Variants in TBC1D8 observed in about 807,000 individuals in gnomAD.
The protein encoded by TBC1D8 is TBC1 domain family member 8.
Under a neutral mutation model 118.8 loss-of-function variants are expected in TBC1D8, and 65 were observed. That is an observed-to-expected ratio of 0.55 (90% CI 0.45 to 0.67). TBC1D8 has a LOEUF of 0.67. Among genes scored for constraint, TBC1D8 ranks in the 30% least tolerant of loss-of-function variants. The probability of loss-of-function intolerance (pLI) is 0.00; values close to 1 mark genes in which losing one functional copy is unlikely to be tolerated. For missense variants in TBC1D8, 1,376 were observed against 1,471.2 expected (o/e 0.94, Z 1.06); for synonymous variants, 566 against 595.8 (o/e 0.95, Z 0.73).
intron 2 of TBC1D8, among the ~76,000 whole-genome samples, chr2:101,075,238 A>G (rs1472277916): frequency 1.3e-5 from 2 of 152,080 alleles, no homozygotes; most frequent in African/African-American, 4.8e-5. Context: ...CTCTACTAAA[A>G]ATACAAAAAA....
At position 101,018,951 on chromosome 2, in the gene TBC1D8, G is replaced by T. The variant is rs780931922; in HGVS notation, c.2827+2730C>A. The stretch of plus-strand genomic sequence containing the variant: ...ATCTTCTGGAATGCTCTTCGTCTGT[G>T]TGTTACCTGACATGGTACCAAATCA... On this transcript the variant is annotated intron_variant, in intron 17 of 19. Transcript: ENST00000409318. The T allele has an allele frequency of 1.1e-5, 17 of 1,601,072 alleles. No individual in the cohort carries two copies. The Admixed American group carries it at 2.6e-4, about 24-fold the overall frequency.
chr2:101,135,208 C>T lies in TBC1D8; in HGVS notation c.127+15919G>A, dbSNP rs145434667. On this transcript the variant is annotated intron_variant, in intron 1 of 19. Coordinates refer to ENST00000409318, the MANE Select transcript of TBC1D8 (RefSeq NM_001330348.2). ...AAAGAAACAAGAAAAAAGAAAAAGC[C>T]GTTTTTACAGTGAGATACACGTCTT... Among the ~76,000 whole-genome samples, 990 of 152,248 alleles carry T rather than the reference C, an allele frequency of 6.5e-3. 9 individuals carry two copies. Among genetic ancestry groups the T allele is most frequent in the South Asian group, 0.02 (97 of 4,824 alleles).
At chr2:101,040,834 A>G (rs758662445) in intron 5 of TBC1D8, among the ~76,000 whole-genome samples, 2 of 152,258 alleles carry the variant, frequency 1.3e-5, no homozygotes, top group Admixed American at 1.3e-4. Context: ...GGCACCATGC[A>G]TGTCCTGTGC....
chr2:101,047,303 T>TAAGTCCTGCTGGAGTGGCCAC (rs1445681938), intron 5 of TBC1D8, among the ~76,000 whole-genome samples: 2 of 152,212 alleles, frequency 1.3e-5, no homozygotes, highest in Non-Finnish European at 2.9e-5. Flanking sequence ...ACTGTGGCCA[T>TAAGTCCTGCTGGAGTGGCCAC]AAGTCCTGCT....
intron 12 of TBC1D8, among the ~76,000 whole-genome samples, chr2:101,028,839 T>C (rs564932965): frequency 6.6e-6 from 1 of 152,330 alleles, no homozygotes; most frequent in African/African-American, 2.4e-5. Flanking sequence ...AGAAAATGTC[T>C]GCAACCTCTA....
At chr2:101,073,452 G>A (rs1354678904) in intron 2 of TBC1D8, among the ~76,000 whole-genome samples, 1 of 151,746 alleles carries the variant, frequency 6.6e-6, no homozygotes, top group Non-Finnish European at 1.5e-5. Flanking sequence ...CCGCCACCAC[G>A]CCCAGCTACT....
At chr2:101,134,193 TCTCTCACACACACACA>T (rs779401372) in intron 1 of TBC1D8, among the ~76,000 whole-genome samples, 1,659 of 122,316 alleles carry the variant, frequency 0.014, 31 homozygotes, top group African/African-American at 0.058. Flanking sequence ...TCTCTCTCTC[TCTCTCACACACACACA>T]CACACACACA....
At chr2:101,111,916 T>TAA (rs11296257) in intron 1 of TBC1D8, among the ~76,000 whole-genome samples, 1 of 146,552 alleles carries the variant, frequency 6.8e-6, no homozygotes. Context: ...ACCATAGTTT[T>TAA]AAAAAAAAAA....
chr2:101,048,501 T>C (rs1681850238), intron 5 of TBC1D8, among the ~76,000 whole-genome samples: 1 of 152,106 alleles, frequency 6.6e-6, no homozygotes, highest in African/African-American at 2.4e-5. Context: ...CCATGTGAAA[T>C]TCCTTGGAAT....
At chr2:101,129,560 T>C (rs543177650) in intron 1 of TBC1D8, among the ~76,000 whole-genome samples, 129 of 152,292 alleles carry the variant, frequency 8.5e-4, no homozygotes, top group Non-Finnish European at 2.5e-4. Context: ...CAAGGTGGGC[T>C]GGAAGAAGGC....
intron 2 of TBC1D8, among the ~76,000 whole-genome samples, chr2:101,079,646 A>T (rs1675117648): frequency 6.7e-6 from 1 of 148,660 alleles, no homozygotes. Context: ...AAAGTGCTGG[A>T]ATTAAAGGCG....
At chr2:101,035,268 A>T (rs1680936431) in intron 9 of TBC1D8, among the ~76,000 whole-genome samples, 1 of 152,126 alleles carries the variant, frequency 6.6e-6, no homozygotes, top group African/African-American at 2.4e-5. Flanking sequence ...GGCACACTCC[A>T]ATGGCAGGGC....
At chr2:101,017,089 AAGAC>A (rs1427477451) in intron 17 of TBC1D8, among the ~76,000 whole-genome samples, 3 of 98,068 alleles carry the variant, frequency 3.1e-5, no homozygotes, top group Non-Finnish European at 7.7e-5. Context: ...AAAAAAAAAA[AAGAC>A]AAACACGCAC....
At chr2:101,017,620 C>G (rs770258278) in intron 17 of TBC1D8, among the ~76,000 whole-genome samples, 14 of 152,126 alleles carry the variant, frequency 9.2e-5, no homozygotes, top group Non-Finnish European at 1.8e-4. Flanking sequence ...CTGCAGATAC[C>G]CTTGGCAAAG....
At chr2:101,072,920 T>C (rs1674546740) in intron 2 of TBC1D8, among the ~76,000 whole-genome samples, 1 of 151,922 alleles carries the variant, frequency 6.6e-6, no homozygotes, top group African/African-American at 2.4e-5. Flanking sequence ...ACGTTGGAGG[T>C]CACATTTCAA....
intron 2 of TBC1D8, among the ~76,000 whole-genome samples, chr2:101,086,665 G>C (rs546486757): frequency 1.3e-5 from 2 of 152,138 alleles, no homozygotes; most frequent in African/African-American, 4.8e-5. Context: ...TCTAGACAAG[G>C]ATGTCCAATC....
At chr2:101,085,894 C>T (rs748528795) in intron 2 of TBC1D8, among the ~76,000 whole-genome samples, 4 of 152,218 alleles carry the variant, frequency 2.6e-5, no homozygotes, top group Non-Finnish European at 5.9e-5. Context: ...GTAACCTCAG[C>T]ACTTTGGGAG....
At chr2:101,044,536 T>C (rs903159388) in intron 5 of TBC1D8, among the ~76,000 whole-genome samples, 3 of 152,192 alleles carry the variant, frequency 2.0e-5, no homozygotes, top group African/African-American at 7.2e-5. Context: ...CCTTCACTTT[T>C]CCTCCGTAGA....
At chr2:101,018,697 CT>C (rs1679834585) in intron 17 of TBC1D8, among the ~76,000 whole-genome samples, 4 of 152,198 alleles carry the variant, frequency 2.6e-5, no homozygotes, top group Non-Finnish European at 4.4e-5. Context: ...GTGAGGGGTC[CT>C]CATAGGTTTG....
Sources: gnomAD v4.1 joint callset for allele counts (sites outside exome capture counted in the v4.1 genomes callset) on GRCh38, gnomAD v4.1.1 for gene constraint, MANE v1.5 for transcripts, NCBI Gene and HGNC (gene_info 2026-07-23, HGNC 2026-07-21) for gene names.